Variants in SKAP1 observed in about 807,000 individuals in gnomAD.
The protein encoded by SKAP1 is src kinase associated phosphoprotein 1.
In SKAP1, 44 loss-of-function variants were observed where a neutral mutation model predicts 58.5. That is an observed-to-expected ratio of 0.75 (90% CI 0.59 to 0.97). SKAP1 has a LOEUF of 0.97. SKAP1 is among the 50% of genes least tolerant of loss of function. SKAP1 has a pLI of 0.00. For missense variants in SKAP1, 390 were observed against 435.2 expected (o/e 0.90, Z 0.92); for synonymous variants, 127 against 149.7 (o/e 0.85, Z 1.11).
intron 4 of SKAP1, among the ~76,000 whole-genome samples, chr17:48,269,903 G>A (rs1306793020): frequency 2.0e-5 from 3 of 152,006 alleles, no homozygotes; most frequent in African/African-American, 2.4e-5. Flanking sequence ...ACCTGAGGTC[G>A]GGAGTTCGCG....
chr17:48,199,214 A>T (rs1567817432), intron 4 of SKAP1, among the ~76,000 whole-genome samples: 1 of 152,248 alleles, frequency 6.6e-6, no homozygotes, highest in Non-Finnish European at 1.5e-5. Context: ...TCTAAAACAC[A>T]GATCATGTCA....
chr17:48,223,888 A>T (rs745891295), intron 4 of SKAP1, among the ~76,000 whole-genome samples: 1 of 152,066 alleles, frequency 6.6e-6, no homozygotes, highest in Non-Finnish European at 1.5e-5. Flanking sequence ...TGAATATCTG[A>T]AATTGTTAAT....
chr17:48,346,774 T>G (rs2066729142), intron 3 of SKAP1, among the ~76,000 whole-genome samples: 1 of 152,218 alleles, frequency 6.6e-6, no homozygotes, highest in Non-Finnish European at 1.5e-5. Flanking sequence ...TCAATAGTCT[T>G]TCTCTGAAAA....
intron 4 of SKAP1, among the ~76,000 whole-genome samples, chr17:48,259,725 G>A (rs921350044): frequency 7.9e-5 from 12 of 152,134 alleles, no homozygotes; most frequent in African/African-American, 2.7e-4. Flanking sequence ...ATCCTATAAC[G>A]TAGGTGTTTT....
At chr17:48,428,946 A>T (rs2067882124) in intron 1 of SKAP1, among the ~76,000 whole-genome samples, 1 of 152,264 alleles carries the variant, frequency 6.6e-6, no homozygotes, top group African/African-American at 2.4e-5. Context: ...GCTTTTACAT[A>T]GAAGCAATCC....
At chr17:48,221,775 T>G (rs1272488977) in intron 4 of SKAP1, among the ~76,000 whole-genome samples, 1 of 152,224 alleles carries the variant, frequency 6.6e-6, no homozygotes, top group East Asian at 1.9e-4. Context: ...AGTTCTGTTC[T>G]CCAGTTCAAC....
At chr17:48,229,486 T>C (rs11650476) in intron 4 of SKAP1, among the ~76,000 whole-genome samples, 22,936 of 151,858 alleles carry the variant, frequency 0.15, 2,288 homozygotes, top group African/African-American at 0.27. Flanking sequence ...CTGGGCGTTG[T>C]GGTGGGTGAC....
At chr17:48,221,577 T>A (rs2065006950) in intron 4 of SKAP1, among the ~76,000 whole-genome samples, 1 of 152,234 alleles carries the variant, frequency 6.6e-6, no homozygotes, top group Non-Finnish European at 1.5e-5. Flanking sequence ...GGTTTAAACC[T>A]TCAAGTACTG....
intron 2 of SKAP1, among the ~76,000 whole-genome samples, chr17:48,387,375 C>T (rs1312024452): frequency 1.3e-5 from 2 of 152,164 alleles, no homozygotes; most frequent in Admixed American, 6.5e-5. Flanking sequence ...CCTGTAACTG[C>T]TAAGACACCC....
chr17:48,215,903 C>A (rs1467181777), intron 4 of SKAP1, among the ~76,000 whole-genome samples: 4 of 152,190 alleles, frequency 2.6e-5, no homozygotes, highest in Non-Finnish European at 5.9e-5. Context: ...GGCAAGCTCA[C>A]CTTTCAGGAG....
intron 2 of SKAP1, among the ~76,000 whole-genome samples, chr17:48,371,953 C>G (rs1379344770): frequency 6.6e-6 from 1 of 151,984 alleles, no homozygotes; most frequent in East Asian, 1.9e-4. Flanking sequence ...GCTAGATATA[C>G]ACATATACAT....
At position 48,177,598 on chromosome 17, in the gene SKAP1, GA is replaced by G. The variant is rs1249119633; in HGVS notation, c.826+2455del. On this transcript the variant is annotated intron_variant, in intron 9 of 12. Transcript: ENST00000336915. ...GCCGCTGCTTGGTAGATGGTCTTAT[GA>G]GAGGGCAGCAGAAAGGAGACAGTGT... is the stretch of plus-strand genomic sequence containing the variant. Among the ~76,000 whole-genome samples, 20 of 152,148 alleles carry G rather than the reference GA, an allele frequency of 1.3e-4. No homozygotes were observed. The East Asian group carries it at 2.1e-3, about 16-fold the overall frequency.
At chr17:48,238,782 C>T (rs1032690120) in intron 4 of SKAP1, among the ~76,000 whole-genome samples, 1 of 152,198 alleles carries the variant, frequency 6.6e-6, no homozygotes, top group African/African-American at 2.4e-5. Context: ...AGCTCCATCA[C>T]ATGACTACTA....
the SKAP1 span, among the ~76,000 whole-genome samples, chr17:48,442,699 G>C: frequency 4.7e-4 from 71 of 152,218 alleles, 1 homozygote; most frequent in Admixed American, 1.3e-3. Flanking sequence ...AGTCTAGCTG[G>C]AAAATATGTT....
At chr17:48,176,464 G>A (rs1243123930) in intron 9 of SKAP1, among the ~76,000 whole-genome samples, 1 of 152,192 alleles carries the variant, frequency 6.6e-6, no homozygotes, top group Non-Finnish European at 1.5e-5. Context: ...GGTGGTGGTG[G>A]TGGTGAGAGA....
intron 4 of SKAP1, among the ~76,000 whole-genome samples, chr17:48,281,484 G>A (rs908388369): frequency 6.6e-6 from 1 of 152,178 alleles, no homozygotes; most frequent in East Asian, 1.9e-4. Context: ...ATCAAATGCT[G>A]CTCATTTAGG....
At chr17:48,432,744 C>T (rs1440253578), upstream of SKAP1, among the ~76,000 whole-genome samples, 1 of 152,136 alleles carries the variant, frequency 6.6e-6, no homozygotes, top group African/African-American at 2.4e-5. Context: ...TCCTTCTTGG[C>T]AACAGAAGAA....
At chr17:48,198,362 G>A (rs1446516909) in intron 4 of SKAP1, among the ~76,000 whole-genome samples, 1 of 143,836 alleles carries the variant, frequency 7.0e-6, no homozygotes, top group Non-Finnish European at 1.5e-5. Flanking sequence ...GGCTGAGGCA[G>A]GAGAATGGCA....
At chr17:48,279,525 G>A (rs1198875923) in intron 4 of SKAP1, among the ~76,000 whole-genome samples, 1 of 152,166 alleles carries the variant, frequency 6.6e-6, no homozygotes, top group Non-Finnish European at 1.5e-5. Context: ...ACATGAAAGA[G>A]TTCATTATCT....
Sources: allele counts gnomAD v4.1 joint callset (sites outside exome capture counted in the v4.1 genomes callset), GRCh38; gene constraint gnomAD v4.1.1; transcripts MANE v1.5; gene names NCBI Gene and HGNC (gene_info 2026-07-23, HGNC 2026-07-21).